The following ROGDI variants were observed in gnomAD, a reference collection of about 807,000 sequenced individuals.
ROGDI encodes the protein rogdi atypical leucine zipper.
ROGDI carries 46 observed loss-of-function variants against 43.1 expected under a neutral mutation model. The observed-to-expected ratio is 1.07, with a 90% confidence interval of 0.84 to 1.37. The LOEUF (loss-of-function observed/expected upper bound fraction) is 1.37. Ranked by LOEUF, ROGDI falls within the 40% of genes most tolerant of loss-of-function variation. The probability of loss-of-function intolerance (pLI) is 0.00; values close to 1 mark genes in which losing one functional copy is unlikely to be tolerated. For synonymous variants in ROGDI, 243 were observed against 162.0 expected (o/e 1.50, Z -3.80); for missense variants, 518 against 383.9 (o/e 1.35, Z -2.92).
chr16:4,799,170 A>G (rs2082688940), intron 6 of ROGDI, among the ~76,000 whole-genome samples: 1 of 152,122 alleles, frequency 6.6e-6, no homozygotes, highest in Admixed American at 6.5e-5. Flanking sequence ...CTTTCGTGCC[A>G]TTCAGCCGTG....
Position 4,798,062 on chromosome 16 carries a change from C to T in ROGDI, c.645+9G>A, listed in dbSNP as rs1023043341. The T allele has an allele frequency of 6.2e-7, 1 of 1,613,578 alleles. No homozygotes were observed. The highest frequency in any genetic ancestry group is 8.5e-7 in the Non-Finnish European group (1 of 1,179,706). On this transcript the variant is annotated intron_variant, in intron 8 of 10. Transcript: ENST00000322048. ...GCGGGCAGTGGGCCGGGCAGGGGTC[C>T]CTCCTCACCTTGGTGGAGTTGGGCT...
chr16:4,799,983 CCTTT>C (rs749468055), intron 5 of ROGDI, among the ~76,000 whole-genome samples: 1 of 152,182 alleles, frequency 6.6e-6, no homozygotes, highest in African/African-American at 2.4e-5. Flanking sequence ...ACTGCCCCCT[CCTTT>C]CTAAGGGATG....
chr16:4,801,159 A>G, intron 4 of ROGDI, 108 bp downstream of exon 4: 1 of 855,828 alleles, frequency 1.2e-6, no homozygotes, highest in South Asian at 1.9e-5. Context: ...GAGGCCAGAG[A>G]GATCAAGGGT....
intron 6 of ROGDI, among the ~76,000 whole-genome samples, chr16:4,799,159 G>C (rs1460250388): frequency 6.6e-6 from 1 of 152,152 alleles, no homozygotes; most frequent in Non-Finnish European, 1.5e-5. Context: ...CAGAGCCCCA[G>C]CTTTCGTGCC....
intron 2 of ROGDI, 142 bp downstream of exon 2, chr16:4,802,240 T>G (rs1015003101): frequency 7.5e-5 from 58 of 770,268 alleles, no homozygotes; most frequent in Non-Finnish European, 1.2e-4. Context: ...CGGCTCGAGT[T>G]CGCGGAGGCG....
chr16:4,801,995 G>C, intron 2 of ROGDI: 1 of 579,144 alleles, frequency 1.7e-6, no homozygotes, highest in Non-Finnish European at 3.3e-6. Flanking sequence ...CCAGCCTCGC[G>C]AAGCGGGTAC....
chr16:4,798,930 G>A, intron 6 of ROGDI: 1 of 513,540 alleles, frequency 1.9e-6, no homozygotes, highest in Non-Finnish European at 3.4e-6. Context: ...GGGAATGGAA[G>A]GTCCTGGGAG....
Position 4,801,544 on chromosome 16 carries a change from C to T in ROGDI, c.159G>A (p.Glu53=). ...LRFTLPGSGT[E]GPAKQENFIL... Reference sequence around the variant, plus strand: ...TGAAGTTCTCTTGCTTGGCGGGCCCCTCAGTGCCGGAGCCCGGCAGAGTGA... The same window carrying T: ...TGAAGTTCTCTTGCTTGGCGGGCCCTTCAGTGCCGGAGCCCGGCAGAGTGA... Residue 53 remains glutamate, a synonymous_variant, in exon 3 of 11, where the codon GAG becomes GAA. Coordinates refer to ENST00000322048, the MANE Select transcript of ROGDI (RefSeq NM_024589.3). 6.2e-7 allele frequency: 1 copy of T among 1,607,354 alleles called. No individual in the cohort carries two copies. Among genetic ancestry groups the T allele is most frequent in the East Asian group, 2.2e-5 (1 of 44,704 alleles).
chr16:4,800,812 G>A (rs2082705739), intron 4 of ROGDI: 11 of 572,004 alleles, frequency 1.9e-5, no homozygotes, highest in Non-Finnish European at 3.1e-5. Context: ...AAGAGGTGAA[G>A]AAAGGGGAAG....
intron 4 of ROGDI, chr16:4,800,804 G>A (rs2082705597): frequency 1.7e-6 from 1 of 580,378 alleles, no homozygotes; most frequent in African/African-American, 1.9e-5. Context: ...GAAATGGAAA[G>A]AGGTGAAGAA....
At chr16:4,801,785 A>G (rs1265743596) in intron 2 of ROGDI, 200 bp from the exon 3 acceptor site, 1 of 605,200 alleles carries the variant, frequency 1.7e-6, no homozygotes. Context: ...TGCTTATACC[A>G]CATTCCCTGA....
Position 4,800,583 on chromosome 16 carries a change from C to A in ROGDI, c.256-5G>T. ...GGGCATCTTCAGGTTCACATCCTGA[C>A]AGGCAAGAGTGGGGTGAGCTGGGCA... On this transcript the variant is annotated splice_polypyrimidine_tract_variant and splice_region_variant and intron_variant, in intron 4 of 10. Transcript: ENST00000322048. 1 of 1,562,424 alleles carries A rather than the reference C, an allele frequency of 6.4e-7. No individual in the cohort carries two copies. The highest frequency in any genetic ancestry group is 8.7e-7 in the Non-Finnish European group (1 of 1,152,438).
At chr16:4,800,404 T>TC (rs35245826) in intron 5 of ROGDI, 94 bp downstream of exon 5, 8 of 984,460 alleles carry the variant, frequency 8.1e-6, no homozygotes, top group Non-Finnish European at 1.2e-5. Context: ...TGGCCACAGA[T>TC]CCCCAGGGCT....
chr16:4,800,556 CG>C lies in ROGDI; in HGVS notation c.277del (p.Arg93GlyfsTer28). 6.4e-7 allele frequency: 1 copy of C among 1,568,404 alleles called. No homozygotes were observed. Among genetic ancestry groups the C allele is most frequent in the Non-Finnish European group, 8.7e-7 (1 of 1,155,954 alleles). ...SQADVNLKMP[R>X]NNQLLHFAFR... Reference sequence around the variant, plus strand: ...GGCGAAGTGCAGCAGCTGGTTGTTCCGGGGCATCTTCAGGTTCACATCCTGA... The same window carrying C: ...GGCGAAGTGCAGCAGCTGGTTGTTCCGGGCATCTTCAGGTTCACATCCTGA... On this transcript the variant is annotated frameshift_variant, in exon 5 of 11. Transcript: ENST00000322048. LOFTEE classifies it high-confidence loss of function.
In ROGDI at chr16:4,797,521, T is replaced by C. The variant is rs780123251; in HGVS notation, c.823-20A>G. On this transcript the variant is annotated intron_variant, in intron 10 of 10. Transcript: ENST00000322048. Reference sequence around the variant, plus strand: ...GGAGATCTGCAAGGGGAGAGGGTGCTGTAGGTTGCTGAAGGGGGATGGGGT... The same window carrying C: ...GGAGATCTGCAAGGGGAGAGGGTGCCGTAGGTTGCTGAAGGGGGATGGGGT... 2 of 1,400,748 alleles carry C rather than the reference T, an allele frequency of 1.4e-6. No homozygotes were observed. The highest frequency in any genetic ancestry group is 1.9e-5 in the African/African-American group (1 of 52,026). The allele number at this position is 1,400,748 out of a possible 1,614,324, so 86.8% of individuals were successfully genotyped here.
At chr16:4,802,135 C>A in intron 2 of ROGDI, 1 of 654,572 alleles carries the variant, frequency 1.5e-6, no homozygotes, top group South Asian at 1.5e-5. Context: ...CCAAGGCGGC[C>A]TTCCCCGACC....
chr16:4,799,447 G>A lies in ROGDI; in HGVS notation c.432+239C>T, dbSNP rs146490965. 2.2e-3 allele frequency among the ~76,000 whole-genome samples: 340 copies of A among 152,270 alleles called. 2 individuals carry two copies. The highest frequency in any genetic ancestry group is 7.8e-3 in the African/African-American group (326 of 41,552). ...GGTTAATGTGAAGGCTTTCACTGCT[G>A]CTACCGGCAGTGGTGTGTGCCGAGT... On this transcript the variant is annotated intron_variant, in intron 6 of 10. Transcript: ENST00000322048.
Position 4,798,048 on chromosome 16 carries a change from GCCGGGCAGGGGT to G in ROGDI, c.645+11_645+22del. On this transcript the variant is annotated intron_variant, in intron 8 of 10. Transcript: ENST00000322048. ...AGGGCGTGTGCATGGCGGGCAGTGG[GCCGGGCAGGGGT>G]CCCTCCTCACCTTGGTGGAGTTGGG... 6.2e-7 allele frequency: 1 copy of G among 1,613,396 alleles called. No individual in the cohort carries two copies. Among genetic ancestry groups the G allele is most frequent in the Non-Finnish European group, 8.5e-7 (1 of 1,179,604 alleles).
intron 4 of ROGDI, 104 bp downstream of exon 4, chr16:4,801,163 C>T: frequency 1.1e-6 from 1 of 940,994 alleles, no homozygotes; most frequent in Non-Finnish European, 1.6e-6. Flanking sequence ...CCAGAGAGAT[C>T]AAGGGTCCCG....
Sources: allele counts gnomAD v4.1 joint callset (sites outside exome capture counted in the v4.1 genomes callset), GRCh38; gene constraint gnomAD v4.1.1; transcripts MANE v1.5; gene names NCBI Gene and HGNC (gene_info 2026-07-23, HGNC 2026-07-21).